Variants in NOP14 observed in about 807,000 individuals in gnomAD.
The protein encoded by NOP14 is nucleolar protein 14.
Under a neutral mutation model 101.6 loss-of-function variants are expected in NOP14, and 57 were observed. The observed-to-expected ratio is 0.56, with a 90% CI of 0.45 to 0.70. The LOEUF is 0.70. NOP14 is among the 30% of genes least tolerant of loss of function. NOP14 has a pLI of 0.00. For synonymous variants in NOP14, 428 were observed against 424.0 expected (o/e 1.01, Z -0.12); for missense variants, 1,134 against 1,075.5 (o/e 1.05, Z -0.76).
intron 17 of NOP14, 96 bp from the exon 18 acceptor site, chr4:2,939,026 G>A: frequency 1.9e-5 from 28 of 1,468,934 alleles, no homozygotes; most frequent in Non-Finnish European, 2.7e-5. Flanking sequence ...TAGCCACCGT[G>A]GCCACGTTCA....
Position 2,945,109 on chromosome 4 carries a change from G to T in NOP14, c.1737+19C>A. ...GTGGTGCAGCAGGCCGACCCCTGCC[G>T]CATGTGGAGAGAACGCACCTTGGTG... is the stretch of plus-strand genomic sequence containing the variant. On this transcript the variant is annotated intron_variant, in intron 12 of 17. Transcript: ENST00000416614. The T allele has an allele frequency of 1.3e-6, 2 of 1,547,014 alleles. No individual in the cohort carries two copies. The highest frequency in any genetic ancestry group is 1.8e-6 in the Non-Finnish European group (2 of 1,138,586).
At position 2,945,166 on chromosome 4, in the gene NOP14, T is replaced by C. The variant is rs775128604; in HGVS notation, c.1699A>G (p.Thr567Ala). Residue 567 changes from threonine to alanine, a missense_variant, in exon 12 of 18, where the codon ACC (threonine) becomes GCC (alanine). Thr to Ala is a moderately conservative substitution (Grantham distance 58, BLOSUM62 0). Coordinates refer to ENST00000416614, the MANE Select transcript of NOP14 (RefSeq NM_001291978.2). ...PTSDFWHPVVTPALVCLSQLL... is the reference protein window; with the variant it reads ...PTSDFWHPVVAPALVCLSQLL... ...TGACTGAGGCACACGAGGGCAGGGG[T>C]CACCACTGGGTGCCAGAAGTCGGAA... 1.1e-5 allele frequency: 18 copies of C among 1,592,714 alleles called. No homozygotes were observed. The highest frequency in any genetic ancestry group is 2.7e-5 in the African/African-American group (2 of 74,628).
chr4:2,949,792 A>G (rs2515961), intron 8 of NOP14, 142 bp downstream of exon 8: 350,693 of 862,390 alleles, frequency 0.41, 75,858 homozygotes, highest in African/African-American at 0.63. Flanking sequence ...CAGCAGACAC[A>G]GGGGTGTGTC....
Position 2,942,247 on chromosome 4 carries a change from G to GCT in NOP14, c.1995_1996insAG (p.Leu666SerfsTer8). 6.2e-7 allele frequency: 1 copy of GCT among 1,614,114 alleles called. No homozygotes were observed. The highest frequency in any genetic ancestry group is 8.5e-7 in the Non-Finnish European group (1 of 1,180,018). ...GCCCTCAGTCTACTCGCCCAGCGGA[G>GCT]GGAGAGGCTGCTCTGCTGCCACGTG... On this transcript the variant is annotated frameshift_variant, in exon 14 of 18. Coordinates refer to ENST00000416614, the MANE Select transcript of NOP14 (RefSeq NM_001291978.2). LOFTEE classifies it high-confidence loss of function.
intron 10 of NOP14, chr4:2,947,068 T>G: frequency 4.3e-6 from 1 of 233,152 alleles, no homozygotes; most frequent in Non-Finnish European, 8.4e-6. Context: ...CACACAGCCT[T>G]AGAGGGCAAC....
intron 1 of NOP14, among the ~76,000 whole-genome samples, chr4:2,962,259 A>G (rs1716056170): frequency 6.6e-6 from 1 of 152,230 alleles, no homozygotes; most frequent in African/African-American, 2.4e-5. Flanking sequence ...CTTCTAGGGA[A>G]CCACACTACC....
Position 2,961,113 on chromosome 4 carries a change from T to C in NOP14, c.195+2012A>G, listed in dbSNP as rs1265504606. 1.8e-4 allele frequency among the ~76,000 whole-genome samples: 17 copies of C among 96,554 alleles called. 1 individual carries two copies. Among genetic ancestry groups the C allele is most frequent in the African/African-American group, 6.8e-4 (13 of 19,214 alleles). The allele number at this position is 96,554 out of a possible 152,430, so 63.3% of individuals were successfully genotyped here. The stretch of plus-strand genomic sequence containing the variant: ...TAATAATATATTAATATTTTAATAA[T>C]ATATTAATATTATAATAATATATTA... On this transcript the variant is annotated intron_variant, in intron 1 of 17. Transcript: ENST00000416614.
intron 1 of NOP14, 122 bp downstream of exon 1, chr4:2,963,001 CGT>C (rs1343902108): frequency 7.2e-6 from 7 of 967,304 alleles, no homozygotes; most frequent in Non-Finnish European, 1.0e-5. Flanking sequence ...AAGTCAGTGC[CGT>C]GTGCCTGTCA....
chr4:2,960,755 T>C (rs1418242830), intron 1 of NOP14, among the ~76,000 whole-genome samples: 3 of 133,406 alleles, frequency 2.2e-5, no homozygotes, highest in Non-Finnish European at 4.7e-5. Flanking sequence ...AATATTATAA[T>C]CACATTAATA....
chr4:2,941,834 C>T (rs376629429), intron 14 of NOP14, 105 bp from the exon 15 acceptor site: 177 of 1,342,912 alleles, frequency 1.3e-4, no homozygotes, highest in Non-Finnish European at 1.7e-4. Context: ...AGGCTGAAAA[C>T]TCCAGTGTGG....
chr4:2,938,696 C>CG lies in NOP14; in HGVS notation c.*134dup, dbSNP rs1713877956. 1 of 663,606 alleles carries CG rather than the reference C, an allele frequency of 1.5e-6. No individual in the cohort carries two copies. The highest frequency in any genetic ancestry group is 2.9e-5 in the Admixed American group (1 of 34,636). 41.1% of individuals were successfully genotyped at this position (663,606 alleles called of 1,614,324 possible). On this transcript the variant is annotated 3_prime_UTR_variant, in exon 18 of 18. Coordinates refer to ENST00000416614, the MANE Select transcript of NOP14 (RefSeq NM_001291978.2). Reference sequence around the variant, plus strand: ...AATTTTTATGTTTTTTTGGTAGAGACGGGGTCTTCCTGTGTTGCCCAGGCT... The same window carrying CG: ...AATTTTTATGTTTTTTTGGTAGAGACGGGGGTCTTCCTGTGTTGCCCAGGCT...
At chr4:2,945,254 T>C (rs1358589651) in intron 11 of NOP14, 25 bp from the exon 12 acceptor site, 2 of 1,523,284 alleles carry the variant, frequency 1.3e-6, no homozygotes, top group Admixed American at 3.9e-5. Flanking sequence ...TTACCACAGG[T>C]TAAAGAAGGT....
At chr4:2,951,487 G>A (rs1249105223) in intron 6 of NOP14, among the ~76,000 whole-genome samples, 8 of 152,170 alleles carry the variant, frequency 5.3e-5, no homozygotes, top group African/African-American at 1.9e-4. Context: ...CCAGTCACCA[G>A]GCAAGCCTAT....
intron 1 of NOP14, among the ~76,000 whole-genome samples, chr4:2,962,371 G>A (rs1716079966): frequency 6.6e-6 from 1 of 152,156 alleles, no homozygotes; most frequent in African/African-American, 2.4e-5. Flanking sequence ...TCGTCTTCGC[G>A]CAGTAAGGAT....
intron 16 of NOP14, 89 bp from the exon 17 acceptor site, chr4:2,939,432 G>C: frequency 6.2e-7 from 1 of 1,600,860 alleles, no homozygotes; most frequent in Non-Finnish European, 8.6e-7. Flanking sequence ...TCACTCCGTA[G>C]TCATCTGCTC....
chr4:2,960,387 G>A (rs1715648672), intron 1 of NOP14, among the ~76,000 whole-genome samples: 1 of 152,032 alleles, frequency 6.6e-6, no homozygotes, highest in African/African-American at 2.4e-5. Flanking sequence ...AAAAATATTA[G>A]TTCTCATTAT....
intron 7 of NOP14, chr4:2,950,899 A>G: frequency 2.1e-6 from 1 of 473,244 alleles, no homozygotes; most frequent in Non-Finnish European, 3.8e-6. Context: ...TGAGAAAGAG[A>G]GCGTGAGCAA....
chr4:2,956,756 T>C lies in NOP14; in HGVS notation c.386A>G (p.His129Arg). ...GATGTCTGCCAAAGACTGGCCATAA[T>C]GAGTCAATTCTTCATCTTCATTTAG... Reference protein sequence around the residue: ...YNLNEDEELTHYGQSLADIEK... With the variant: ...YNLNEDEELTRYGQSLADIEK... The change falls in exon 3 of 18, where the codon CAT becomes CGT. Residue 129 changes from histidine to arginine, a missense_variant. Coordinates refer to ENST00000416614, the MANE Select transcript of NOP14 (RefSeq NM_001291978.2). 1 of 1,613,394 alleles carries C rather than the reference T, an allele frequency of 6.2e-7. No homozygotes were observed. Among genetic ancestry groups the C allele is most frequent in the Non-Finnish European group, 8.5e-7 (1 of 1,179,800 alleles).
At chr4:2,955,975 T>C (rs566169019) in intron 3 of NOP14, among the ~76,000 whole-genome samples, 2 of 152,334 alleles carry the variant, frequency 1.3e-5, no homozygotes, top group Admixed American at 6.5e-5. Context: ...AGTTTTAGAT[T>C]TGTACACCTT....
Sources: allele counts gnomAD v4.1 joint callset (sites outside exome capture counted in the v4.1 genomes callset), GRCh38; gene constraint gnomAD v4.1.1; transcripts MANE v1.5; gene names NCBI Gene and HGNC (gene_info 2026-07-23, HGNC 2026-07-21).